The following RFX7 variants were observed in gnomAD, a reference collection of about 807,000 sequenced individuals.
The protein encoded by RFX7 is DNA-binding protein RFX7.
Under a neutral mutation model 111.8 loss-of-function variants are expected in RFX7, and 26 were observed. That is an observed-to-expected ratio of 0.23 (90% CI 0.17 to 0.32). RFX7 has a LOEUF of 0.32. Ranked by LOEUF, RFX7 falls within the 10% of genes least tolerant of loss-of-function variation. The pLI is 1.00. For synonymous variants in RFX7, 624 were observed against 624.4 expected (o/e 1.00, Z 0.01); for missense variants, 1,573 against 1,772.9 (o/e 0.89, Z 2.02).
At chr15:56,125,395 T>A in intron 5 of RFX7, among the ~76,000 whole-genome samples, 1 of 152,192 alleles carries the variant, frequency 6.6e-6, no homozygotes, top group African/African-American at 2.4e-5. Context: ...AAGAATACAA[T>A]CAGTATTTTG....
In RFX7 at chr15:56,098,156, A is replaced by T; in HGVS notation, c.1032T>A (p.Leu344=). 6.2e-7 allele frequency: 1 copy of T among 1,613,928 alleles called. No individual in the cohort carries two copies. Among genetic ancestry groups the T allele is most frequent in the South Asian group, 1.1e-5 (1 of 91,082 alleles). ...ESATSNGVTN[L]PNGNPSILSP... ...AAAGGATTGAAGGATTTCCATTAGG[A>T]AGATTAGTCACTCCATTGCTTGTAG... Residue 344 remains leucine, a synonymous_variant, in exon 9 of 10, where the codon CTT becomes CTA. Transcript: ENST00000559447.
intron 5 of RFX7, among the ~76,000 whole-genome samples, chr15:56,132,941 A>C (rs759967287): frequency 1.1e-4 from 17 of 152,096 alleles, no homozygotes; most frequent in Non-Finnish European, 2.4e-4. Flanking sequence ...AGAACTGCAT[A>C]AACAGTGGGG....
chr15:56,170,654 C>T (rs1444930586), intron 3 of RFX7, among the ~76,000 whole-genome samples: 1 of 152,184 alleles, frequency 6.6e-6, no homozygotes, highest in Non-Finnish European at 1.5e-5. Context: ...GGCTATTTAA[C>T]TTCAAATTCA....
intron 2 of RFX7, among the ~76,000 whole-genome samples, chr15:56,218,940 T>TA (rs1178714173): frequency 1.3e-4 from 20 of 152,158 alleles, no homozygotes; most frequent in African/African-American, 4.8e-4. Context: ...CAACAGTGAA[T>TA]AAACAAATGG....
At position 56,144,425 on chromosome 15, in the gene RFX7, G is replaced by A. The variant is rs765722283; in HGVS notation, c.254C>T (p.Ser85Phe). ...CCTTTTCTCTCCATTGCTGAGACCAGAAGGCAGCTGAAGGTAGAGGTAGAG... is the reference window on the plus strand; with the variant it reads ...CCTTTTCTCTCCATTGCTGAGACCAAAAGGCAGCTGAAGGTAGAGGTAGAG... ...EKLYLYLQLP[S>F]GLSNGEKSDQ... Residue 85 changes from serine to phenylalanine, a missense_variant, in exon 4 of 10, where the codon TCT becomes TTT. Physicochemically the swap from Ser to Phe is radical, Grantham distance 155. Coordinates refer to ENST00000559447, the MANE Select transcript of RFX7 (RefSeq NM_022841.7). 1.5e-6 allele frequency: 2 copies of A among 1,365,366 alleles called. No homozygotes were observed. The highest frequency in any genetic ancestry group is 1.9e-5 in the Admixed American group (1 of 52,570). The allele number at this position is 1,365,366 out of a possible 1,614,324, so 84.6% of individuals were successfully genotyped here.
At chr15:56,218,342 G>A (rs2043388043) in intron 2 of RFX7, among the ~76,000 whole-genome samples, 1 of 151,852 alleles carries the variant, frequency 6.6e-6, no homozygotes, top group African/African-American at 2.4e-5. Flanking sequence ...ACGTTGGCCA[G>A]ACTGGTCTTG....
rs899958671 is a variant in RFX7, at chr15:56,095,198, A to C, written c.2530T>G (p.Leu844Val). The part of the protein sequence containing the change: ...QLHSQIQESS[L>V]NQIQAHSSDQ... ...GAAGAATGTGCTTGTATTTGATTTA[A>C]AGAAGATTCCTGTATCTGGCTATGT... Residue 844 changes from leucine (L) to valine (V), a missense_variant, in exon 10 of 10, where the codon TTA becomes GTA. Physicochemically the swap from Leu to Val is conservative, Grantham distance 32. This residue lies in a region of RFX7 where 625 missense variants were observed against 632.2 expected (regional missense o/e 0.99). Coordinates refer to ENST00000559447, the MANE Select transcript of RFX7 (RefSeq NM_022841.7). 10 of 1,613,838 alleles carry C rather than the reference A, an allele frequency of 6.2e-6. No individual in the cohort carries two copies. The African/African-American group carries it at 1.2e-4, about 19-fold the overall frequency.
At chr15:56,108,193 C>G (rs1468725595) in intron 5 of RFX7, among the ~76,000 whole-genome samples, 3 of 152,194 alleles carry the variant, frequency 2.0e-5, no homozygotes, top group African/African-American at 7.2e-5. Flanking sequence ...GGACTCCTCC[C>G]TAACTCATTT....
At chr15:56,135,793 A>T (rs28847008) in intron 5 of RFX7, among the ~76,000 whole-genome samples, 28,604 of 146,802 alleles carry the variant, frequency 0.19, 3,076 homozygotes, top group East Asian at 0.42. Context: ...GATTTTTGTA[A>T]AAGGTGTAAG....
intron 5 of RFX7, among the ~76,000 whole-genome samples, chr15:56,132,928 C>T (rs1197754050): frequency 6.6e-6 from 1 of 151,956 alleles, no homozygotes; most frequent in East Asian, 1.9e-4. Context: ...ACCCTCTCAC[C>T]CAAGAACTGC....
intron 3 of RFX7, among the ~76,000 whole-genome samples, chr15:56,176,433 T>C (rs142105264): frequency 5.1e-4 from 77 of 152,224 alleles, no homozygotes; most frequent in Non-Finnish European, 9.3e-4. Context: ...AGGATAAATC[T>C]TAATACCAAC....
At chr15:56,214,865 C>T (rs755142730) in intron 2 of RFX7, among the ~76,000 whole-genome samples, 4 of 152,034 alleles carry the variant, frequency 2.6e-5, no homozygotes, top group African/African-American at 9.7e-5. Context: ...ACATTATCTT[C>T]GTAATTCTGT....
At chr15:56,103,705 G>T in intron 5 of RFX7, 35 bp from the exon 6 acceptor site, 3 of 1,258,156 alleles carry the variant, frequency 2.4e-6, no homozygotes, top group Non-Finnish European at 3.4e-6. Context: ...TAGAGTGACA[G>T]AATTCAGAAT....
At chr15:56,152,720 G>C (rs1296040510) in intron 3 of RFX7, among the ~76,000 whole-genome samples, 9 of 149,372 alleles carry the variant, frequency 6.0e-5, no homozygotes, top group Non-Finnish European at 1.2e-4. Flanking sequence ...AACTGAAGGA[G>C]ATGGAGACAC....
intron 2 of RFX7, among the ~76,000 whole-genome samples, chr15:56,227,371 A>G (rs761748848): frequency 6.6e-6 from 1 of 152,226 alleles, no homozygotes; most frequent in African/African-American, 2.4e-5. Context: ...GATTACTGAT[A>G]TAACTGAATT....
Position 56,094,959 on chromosome 15 carries a change from A to C in RFX7, c.2769T>G (p.Ala923=), listed in dbSNP as rs746076320. ...TLQSQSVTPG[A]PMSSHTSSTH... is the part of the protein sequence containing the mutation. ...TGCTGGAAGTGTGAGATGACATTGG[A>C]GCTCCTGGAGTTACTGACTGACTCT... Residue 923 remains alanine, a synonymous_variant, in exon 10 of 10, where the codon GCT becomes GCG. Transcript: ENST00000559447. 1 of 1,602,834 alleles carries C rather than the reference A, an allele frequency of 6.2e-7. No homozygotes were observed. Among genetic ancestry groups the C allele is most frequent in the East Asian group, 2.2e-5 (1 of 44,784 alleles).
chr15:56,094,073 T>G lies in RFX7; in HGVS notation c.3655A>C (p.Ile1219Leu), dbSNP rs1229423744. 1 of 1,613,906 alleles carries G rather than the reference T, an allele frequency of 6.2e-7. No homozygotes were observed. The highest frequency in any genetic ancestry group is 8.5e-7 in the Non-Finnish European group (1 of 1,179,894). ...NVHTDACANNIAQRSQSVPLT... is the reference protein window; with the variant it reads ...NVHTDACANNLAQRSQSVPLT... ...GGAACTGATTGGCTTCTTTGAGCTA[T>G]GTTGTTGGCACATGCGTCTGTGTGA... is the stretch of plus-strand genomic sequence containing the variant. Residue 1219 changes from isoleucine (I) to leucine (L), a missense_variant, in exon 10 of 10, where the codon ATA becomes CTA. Around this residue, in one of 7 missense-constraint regions of RFX7, gnomAD observed 411 missense variants for 478.1 expected, o/e 0.86. Transcript: ENST00000559447.
intron 2 of RFX7, among the ~76,000 whole-genome samples, chr15:56,227,560 T>C (rs926267756): frequency 2.0e-5 from 3 of 152,282 alleles, no homozygotes; most frequent in African/African-American, 4.8e-5. Flanking sequence ...GAGTTTGCAA[T>C]ATACATTTAT....
intron 5 of RFX7, among the ~76,000 whole-genome samples, chr15:56,129,689 C>T (rs2042188529): frequency 6.6e-6 from 1 of 152,110 alleles, no homozygotes; most frequent in Non-Finnish European, 1.5e-5. Flanking sequence ...GCAATGAATA[C>T]AAAGTGAAGA....
Sources: allele counts gnomAD v4.1 joint callset (sites outside exome capture counted in the v4.1 genomes callset), GRCh38; gene constraint gnomAD v4.1.1; regional missense constraint gnomAD v4.1.1; transcripts MANE v1.5; gene names NCBI Gene and HGNC (gene_info 2026-07-23, HGNC 2026-07-21).